The following KMT2D variants were observed in gnomAD, a reference collection of about 807,000 sequenced individuals.
KMT2D encodes the protein histone-lysine N-methyltransferase 2D.
KMT2D carries 55 observed loss-of-function variants against 512.7 expected under a neutral mutation model. That is an observed-to-expected ratio of 0.11 (90% CI 0.09 to 0.13). The LOEUF is 0.13. KMT2D is among the 10% of genes least tolerant of loss of function. The pLI is 1.00. For missense variants in KMT2D, 6,061 were observed against 7,127.9 expected (o/e 0.85, Z 5.39); for synonymous variants, 2,995 against 2,904.0 (o/e 1.03, Z -1.01).
rs374077422 is a variant in KMT2D at position 49,041,335 on chromosome 12, C to G, written c.6435G>C (p.Pro2145=). 2 of 1,544,606 alleles carry G rather than the reference C, an allele frequency of 1.3e-6. No homozygotes were observed. The highest frequency in any genetic ancestry group is 1.7e-6 in the Non-Finnish European group (2 of 1,146,426). The part of the protein sequence containing the change: ...LSTSADGFLK[P]PAGSVPGPDS... ...CAGGGCCAGGCACCGAGCCCGCCGG[C>G]GGCTTCAGGAACCCGTCCGCAGAGG... Residue 2145 remains proline, a synonymous_variant, in exon 32 of 55, where the codon CCG becomes CCC. Transcript: ENST00000301067. The surrounding 1 kb of genome is among the most constrained non-coding windows in gnomAD (Gnocchi z 5.4).
Position 49,019,536 on chromosome 12 carries a change from A to C in KMT2D, c.*2244T>G, listed in dbSNP as rs1942198860. On this transcript the variant is annotated 3_prime_UTR_variant, in exon 55 of 55. Transcript: ENST00000301067. ...TCTACAGGACTATCGGATACCTAGC[A>C]TATGCTTACAAAGTCTGCCCCATCC... 1 of 227,116 alleles carries C rather than the reference A, an allele frequency of 4.4e-6. No individual in the cohort carries two copies. Among genetic ancestry groups the C allele is most frequent in the Non-Finnish European group, 8.8e-6 (1 of 113,972 alleles). The allele number at this position is 227,116 out of a possible 1,614,324, so 14.1% of individuals were successfully genotyped here. A position where few individuals can be genotyped will look rare whatever the true frequency, so the allele number is the denominator to read the frequency against.
At chr12:49,028,632 A>G (rs1942731876) in intron 46 of KMT2D, among the ~76,000 whole-genome samples, 196 bp downstream of exon 46, 1 of 152,164 alleles carries the variant, frequency 6.6e-6, no homozygotes. Context: ...TGTCTTTACC[A>G]TGGGACTACG....
At position 49,041,140 on chromosome 12, in the gene KMT2D, C is replaced by T. The variant is rs756396522; in HGVS notation, c.6630G>A (p.Pro2210=). Residue 2210 remains proline (P), a synonymous_variant, in exon 32 of 55, where the codon CCG becomes CCA. Transcript: ENST00000301067. This position sits in a 1 kb window ranked among gnomAD's most constrained non-coding sequence, Gnocchi z 5.4. ...PSPTGAPAQP[P]MLGASSRPGA... ...CAGGACGAGATGAGGCGCCCAGCATCGGGGGCTGCGCAGGGGCCCCCGTAG... is the reference window on the plus strand; with the variant it reads ...CAGGACGAGATGAGGCGCCCAGCATTGGGGGCTGCGCAGGGGCCCCCGTAG... The T allele has an allele frequency of 1.6e-5, 25 of 1,525,112 alleles. No individual in the cohort carries two copies. The highest frequency in any genetic ancestry group is 6.7e-5 in the Admixed American group (3 of 44,578). 94.5% of individuals were successfully genotyped at this position (1,525,112 alleles called of 1,614,324 possible).
In KMT2D at chr12:49,044,140, G is replaced by A. The variant is rs1943673470; in HGVS notation, c.5188+60C>T. ...GCCCTTTCAATGAGTCCACCCCCTG[G>A]GTCTCTCTAGCATTGCCCCACCTTC... On this transcript the variant is annotated intron_variant, in intron 22 of 54. Transcript: ENST00000301067. The surrounding 1 kb of genome is among the most constrained non-coding windows in gnomAD (Gnocchi z 6.4). The A allele has an allele frequency of 1.9e-6, 3 of 1,589,478 alleles. No homozygotes were observed. The highest frequency in any genetic ancestry group is 2.7e-5 in the African/African-American group (2 of 74,386).
chr12:49,031,106 C>T (rs574825190), intron 40 of KMT2D, 69 bp downstream of exon 40: 1 of 1,610,846 alleles, frequency 6.2e-7, no homozygotes, highest in South Asian at 1.1e-5. Flanking sequence ...CTGACCCAGG[C>T]TCACTCATTC....
Position 49,038,619 on chromosome 12 carries a change from G to A in KMT2D, c.8737C>T (p.Pro2913Ser), listed in dbSNP as rs1307203751. The A allele has an allele frequency of 6.2e-7, 1 of 1,612,850 alleles. No individual in the cohort carries two copies. Among genetic ancestry groups the A allele is most frequent in the African/African-American group, 1.3e-5 (1 of 74,892 alleles). The change falls in exon 35 of 55, where the codon CCC becomes TCC. Residue 2913 changes from proline to serine, a missense_variant. Pro to Ser is a moderately conservative substitution (Grantham distance 74, BLOSUM62 -1). This residue lies in a region of KMT2D where 527 missense variants were observed against 578.9 expected (regional missense o/e 0.91). Coordinates refer to ENST00000301067, the MANE Select transcript of KMT2D (RefSeq NM_003482.4). The surrounding 1 kb of genome is among the most constrained non-coding windows in gnomAD (Gnocchi z 5.7). ...AGCCCTTCAGGAGCCAGTCGGTGGG[G>A]GTCCTCACTTACAGGGTAAAAACGG... Reference protein sequence around the residue: ...RPRFYPVSEDPHRLAPEGLRG... With the variant: ...RPRFYPVSEDSHRLAPEGLRG...
Position 49,059,969 on chromosome 12 carries a change from G to C in KMT2D, c.-394C>G, listed in dbSNP as rs1041512289. On this transcript the variant is annotated 5_prime_UTR_variant, in exon 1 of 55. Coordinates refer to ENST00000301067, the MANE Select transcript of KMT2D (RefSeq NM_003482.4). ...AGTCCTAGGGCCCGGCCAGCGCCCC[G>C]GCCGCCCGCGCCGGGCTCGGGCGGA... Among the ~76,000 whole-genome samples, 7 of 151,688 alleles carry C rather than the reference G, an allele frequency of 4.6e-5. No individual in the cohort carries two copies. Among genetic ancestry groups the C allele is most frequent in the African/African-American group, 1.2e-4 (5 of 41,330 alleles).
In KMT2D at chr12:49,059,606, C is replaced by A. The variant is rs1443415627; in HGVS notation, c.-38+7G>T. 6.6e-6 allele frequency: 1 copy of A among 151,896 alleles called. No homozygotes were observed. Among genetic ancestry groups the A allele is most frequent in the Non-Finnish European group, 1.5e-5 (1 of 68,086 alleles). The allele number at this position is 151,896 out of a possible 1,614,324, so 9.4% of individuals were successfully genotyped here. A position where few individuals can be genotyped will look rare whatever the true frequency, so the allele number is the denominator to read the frequency against. The stretch of plus-strand genomic sequence containing the variant: ...TTCTGGGCCCTGGCCGGGCGGACTT[C>A]ACTCACCTCTTCACAGGGCGATCCA... On this transcript the variant is annotated splice_region_variant and intron_variant, in intron 1 of 54. Coordinates refer to ENST00000301067, the MANE Select transcript of KMT2D (RefSeq NM_003482.4).
In KMT2D at chr12:49,022,109, G is replaced by C. The variant is rs574823331; in HGVS notation, c.16455C>G (p.Val5485=). 6.2e-7 allele frequency: 1 copy of C among 1,613,938 alleles called. No homozygotes were observed. Among genetic ancestry groups the C allele is most frequent in the Non-Finnish European group, 8.5e-7 (1 of 1,179,880 alleles). The change falls in exon 54 of 55, where the codon GTC becomes GTG. Residue 5485 remains valine, a synonymous_variant. Coordinates refer to ENST00000301067, the MANE Select transcript of KMT2D (RefSeq NM_003482.4). This position sits in a 1 kb window ranked among gnomAD's most constrained non-coding sequence, Gnocchi z 8.6. ...TTTTGTCCTCTTTGTCAAATGTCAC[G>C]ACTTCGGCCACACAGTTAGGGGCAC... The part of the protein sequence containing the change: ...HSCAPNCVAE[V]VTFDKEDKII...
rs2120574748 is a variant in KMT2D, at chr12:49,043,890, T to C, written c.5297A>G (p.Asp1766Gly). Residue 1766 changes from aspartate to glycine, a missense_variant, in exon 23 of 55, where the codon GAC (aspartate) becomes GGC (glycine). Physicochemically the swap from Asp to Gly is moderately conservative, Grantham distance 94 (BLOSUM62 -1). Coordinates refer to ENST00000301067, the MANE Select transcript of KMT2D (RefSeq NM_003482.4). The stretch of plus-strand genomic sequence containing the variant: ...CACCTGCAAGTAAGCAGGGAACATG[T>C]CCTCCAGTTTGCTCTTCTTGCGCCC... ...RRGRKKSKLE[D>G]MFPAYLQEAF... The C allele has an allele frequency of 6.2e-7, 1 of 1,614,054 alleles. No individual in the cohort carries two copies. The highest frequency in any genetic ancestry group is 8.5e-7 in the Non-Finnish European group (1 of 1,179,902).
rs2120697839 is a variant in KMT2D at position 49,053,557 on chromosome 12, C to T, written c.758G>A (p.Gly253Glu). Residue 253 changes from glycine to glutamate, a missense_variant, in exon 7 of 55, where the codon GGG (glycine) becomes GAG (glutamate). Physicochemically the swap from Gly to Glu is moderately conservative, Grantham distance 98. Transcript: ENST00000301067. The stretch of plus-strand genomic sequence containing the variant: ...AGTCAGAGCAGTGTCCAGGCAGGCC[C>T]CGTGATAGTGATGCCCACAGCTGGT... ...FCTSCGHHYH[G>E]ACLDTALTAR... The T allele has an allele frequency of 1.9e-6, 3 of 1,600,758 alleles. 1 individual carries two copies. The South Asian group carries it at 3.4e-5, about 18-fold the overall frequency.
intron 47 of KMT2D, 24 bp downstream of exon 47, chr12:49,027,985 A>G: frequency 6.2e-7 from 1 of 1,613,326 alleles, no homozygotes; most frequent in African/African-American, 1.3e-5. Context: ...CTCAAGTCCC[A>G]AAGGGCTTCC....
In KMT2D at chr12:49,022,294, G is replaced by T. The variant is rs1206866686; in HGVS notation, c.16398C>A (p.Thr5466=). ...NNEHVIDATL[T]GGPARYINHS... ...TCATCTCTCACCTGGCAGGGCCGCC[G>T]GTCAACGTAGCATCAATCACATGTT... The change falls in exon 53 of 55, where the codon ACC becomes ACA. Residue 5466 remains threonine, a synonymous_variant. Transcript: ENST00000301067. The surrounding 1 kb of genome is among the most constrained non-coding windows in gnomAD (Gnocchi z 8.6). 1 of 1,606,412 alleles carries T rather than the reference G, an allele frequency of 6.2e-7. No homozygotes were observed. Among genetic ancestry groups the T allele is most frequent in the Non-Finnish European group, 8.5e-7 (1 of 1,173,716 alleles).
rs770511500 is a variant in KMT2D at position 49,037,206 on chromosome 12, T to A, written c.10150A>T (p.Thr3384Ser). Residue 3384 changes from threonine (T) to serine (S), a missense_variant, in exon 35 of 55, where the codon ACC (threonine) becomes TCC (serine). Transcript: ENST00000301067. ...QPVLSQKPMG[T>S]MPPSMCMKPQ... Reference sequence around the variant, plus strand: ...TTCATGCACATGGAAGGTGGCATGGTGCCCATGGGCTTCTGTGATAGCACT... The same window carrying A: ...TTCATGCACATGGAAGGTGGCATGGAGCCCATGGGCTTCTGTGATAGCACT... 53 of 1,610,672 alleles carry A rather than the reference T, an allele frequency of 3.3e-5. No individual in the cohort carries two copies. The South Asian group carries it at 5.4e-4, about 16-fold the overall frequency.
Position 49,051,780 on chromosome 12 carries a change from T to C in KMT2D, c.1903A>G (p.Met635Val), listed in dbSNP as rs539846052. The C allele has an allele frequency of 2.1e-5, 33 of 1,582,840 alleles. 2 individuals carry two copies. In the South Asian group the frequency reaches 2.7e-4, roughly 13 times the overall value. ...GGTGATTCTTCAGGTGGTGGGGACA[T>C]AGGCGAGTCCTCAGGTGGTGGGGAC... is the stretch of plus-strand genomic sequence containing the variant. ...RLSPPPEDSP[M>V]SPPPEESPMS... The change falls in exon 11 of 55, where the codon ATG (methionine) becomes GTG (valine). Residue 635 changes from methionine to valine, a missense_variant. This residue lies in a region of KMT2D where 848 missense variants were observed against 838.5 expected (regional missense o/e 1.01). Coordinates refer to ENST00000301067, the MANE Select transcript of KMT2D (RefSeq NM_003482.4).
In KMT2D at chr12:49,030,882, TG is replaced by T. The variant is rs147210845; in HGVS notation, c.13671+10del. On this transcript the variant is annotated intron_variant, in intron 41 of 54. Transcript: ENST00000301067. ...GGATGGGACCAGGGGGACTGTCTCC[TG>T]GGGGGTCACCTGTTTCAGCTGTTTC... 1 of 1,613,636 alleles carries T rather than the reference TG, an allele frequency of 6.2e-7. No homozygotes were observed. Among genetic ancestry groups the T allele is most frequent in the African/African-American group, 1.3e-5 (1 of 75,036 alleles).
rs1943548754 is a variant in KMT2D, at chr12:49,041,876, C to T, written c.6183+41G>A. The T allele has an allele frequency of 6.4e-7, 1 of 1,566,528 alleles. No individual in the cohort carries two copies. The highest frequency in any genetic ancestry group is 1.2e-5 in the South Asian group (1 of 86,184). Reference sequence around the variant, plus strand: ...AAATTACCCAAAGATCCCTCCCTCCCTCTCAGTTCCCACGCTAATCCATGC... The same window carrying T: ...AAATTACCCAAAGATCCCTCCCTCCTTCTCAGTTCCCACGCTAATCCATGC... On this transcript the variant is annotated intron_variant, in intron 30 of 54. Coordinates refer to ENST00000301067, the MANE Select transcript of KMT2D (RefSeq NM_003482.4). The surrounding 1 kb of genome is among the most constrained non-coding windows in gnomAD (Gnocchi z 5.4).
rs1193050076 is a variant in KMT2D at position 49,038,799 on chromosome 12, G to A, written c.8557C>T (p.Pro2853Ser). The A allele has an allele frequency of 5.7e-6, 9 of 1,581,094 alleles. No individual in the cohort carries two copies. Among genetic ancestry groups the A allele is most frequent in the African/African-American group, 1.3e-5 (1 of 74,170 alleles). The change falls in exon 35 of 55, where the codon CCG (proline) becomes TCG (serine). Residue 2853 changes from proline to serine, a missense_variant. Physicochemically the swap from Pro to Ser is moderately conservative, Grantham distance 74 (BLOSUM62 -1). Around this residue, in one of 16 missense-constraint regions of KMT2D, gnomAD observed 527 missense variants for 578.9 expected, o/e 0.91. Coordinates refer to ENST00000301067, the MANE Select transcript of KMT2D (RefSeq NM_003482.4). The surrounding 1 kb of genome is among the most constrained non-coding windows in gnomAD (Gnocchi z 5.7). ...AGACGGGTGGAAATTCCCGCCAACG[G>A]GGAACCTAGGGCTTGGCGGCCAAGT... ...PELGRQALGS[P>S]LAGISTRLPG...
chr12:49,045,966 C>A lies in KMT2D; in HGVS notation c.4695G>T (p.Ala1565=), dbSNP rs368762696. ...GCACCAGCTCTGGAGGTGCAACAGG[C>A]GCTATGGAGAGAAGGACAAACGGAG... is the stretch of plus-strand genomic sequence containing the variant. ...SCQPYVVKPV[A]PVAPPELVPM... Residue 1565 remains alanine (A), a splice_region_variant and synonymous_variant, in exon 19 of 55, where the codon GCG becomes GCT. Coordinates refer to ENST00000301067, the MANE Select transcript of KMT2D (RefSeq NM_003482.4). The A allele has an allele frequency of 1.2e-6, 2 of 1,613,944 alleles. No homozygotes were observed. Among genetic ancestry groups the A allele is most frequent in the East Asian group, 2.2e-5 (1 of 44,884 alleles).
Sources: allele counts gnomAD v4.1 joint callset (sites outside exome capture counted in the v4.1 genomes callset), GRCh38; gene constraint gnomAD v4.1.1; regional missense constraint gnomAD v4.1.1; non-coding constraint Gnocchi (gnomAD v3.1); transcripts MANE v1.5; gene names NCBI Gene and HGNC (gene_info 2026-07-23, HGNC 2026-07-21).